TLE1: variants seen among roughly 807,000 people sequenced by gnomAD.
TLE1 encodes the protein TLE family member 1, transcriptional corepressor, also known as transducin-like enhancer protein 1.
TLE1 carries 21 observed loss-of-function variants against 89.8 expected under a neutral mutation model. That is an observed-to-expected ratio of 0.23 (90% confidence interval 0.17 to 0.34). The LOEUF (loss-of-function observed/expected upper bound fraction) is 0.34. Among genes scored for constraint, TLE1 ranks in the 10% least tolerant of loss-of-function variants. TLE1 has a pLI of 1.00. For missense variants in TLE1, 795 were observed against 1,031.2 expected (o/e 0.77, Z 3.14); for synonymous variants, 447 against 407.6 (o/e 1.10, Z -1.16).
chr9:81,667,881 G>C (rs1445085521), intron 4 of TLE1, among the ~76,000 whole-genome samples: 1 of 152,188 alleles, frequency 6.6e-6, no homozygotes, highest in African/African-American at 2.4e-5. Flanking sequence ...AGGATACTCA[G>C]ACCCGGGCGT....
rs1448937192 is a variant in TLE1 at position 81,685,682 on chromosome 9, G to A, written c.228C>T (p.His76=). ...AAGTTCAACTAAAGCTTACCTGTTT[G>A]TGCATTTCAATGTTTAATCCATATG... ...EMSYGLNIEM[H]KQTEIAKRLN... Residue 76 remains histidine (H), a synonymous_variant, in exon 4 of 20, where the codon CAC becomes CAT. Coordinates refer to ENST00000376499, the MANE Select transcript of TLE1 (RefSeq NM_005077.5). 10 of 1,613,236 alleles carry A rather than the reference G, an allele frequency of 6.2e-6. No individual in the cohort carries two copies.
intron 4 of TLE1, among the ~76,000 whole-genome samples, chr9:81,667,701 T>C (rs1296638460): frequency 6.8e-6 from 1 of 146,664 alleles, no homozygotes; most frequent in Non-Finnish European, 1.5e-5. Context: ...TCCCAGCCCT[T>C]GAGCTGTATT....
At chr9:81,611,602 G>T (rs912596364) in intron 13 of TLE1, among the ~76,000 whole-genome samples, 167 bp downstream of exon 13, 2 of 152,366 alleles carry the variant, frequency 1.3e-5, no homozygotes, top group Non-Finnish European at 2.9e-5. Flanking sequence ...GCTGACAAGA[G>T]GAAGGTGAGT....
At chr9:81,659,604 G>A (rs1321080483) in intron 4 of TLE1, among the ~76,000 whole-genome samples, 2 of 152,150 alleles carry the variant, frequency 1.3e-5, no homozygotes, top group African/African-American at 4.8e-5. Context: ...GGAGGAAGCA[G>A]GAGTCCAAAT....
Position 81,606,798 on chromosome 9 carries a change from T to G in TLE1, c.1331+3422A>C, listed in dbSNP as rs145436725. Among the ~76,000 whole-genome samples the G allele has an allele frequency of 1.9e-3, 289 of 149,766 alleles. 1 individual carries two copies. The highest frequency in any genetic ancestry group is 6.5e-3 in the South Asian group (31 of 4,750). On this transcript the variant is annotated intron_variant, in intron 14 of 19. Coordinates refer to ENST00000376499, the MANE Select transcript of TLE1 (RefSeq NM_005077.5). ...AATTAAAAAAAAAACCATATATATA[T>G]ATATAGAGAGAGAGGCAGTAAGATT...
chr9:81,613,214 A>T (rs1311072945), intron 12 of TLE1, among the ~76,000 whole-genome samples, 163 bp downstream of exon 12: 1 of 152,258 alleles, frequency 6.6e-6, no homozygotes, highest in Admixed American at 6.5e-5. Flanking sequence ...AAACCCCAGG[A>T]CAAACATCTG....
chr9:81,600,122 C>T lies in TLE1; in HGVS notation c.1332-6848G>A, dbSNP rs547120883. On this transcript the variant is annotated intron_variant, in intron 14 of 19. Coordinates refer to ENST00000376499, the MANE Select transcript of TLE1 (RefSeq NM_005077.5). ...CTGGGGCAGGAACAAGGCTCCTAAA[C>T]AGGACAAAGATACAAATGGAGAAAT... is the stretch of plus-strand genomic sequence containing the variant. 43 of 738,864 alleles carry T rather than the reference C, an allele frequency of 5.8e-5. No individual in the cohort carries two copies. In the Admixed American group the frequency reaches 7.7e-4, roughly 13 times the overall value. The allele number at this position is 738,864 out of a possible 1,614,324, so 45.8% of individuals were successfully genotyped here.
Position 81,611,749 on chromosome 9 carries a change from C to T in TLE1, c.1254+20G>A, listed in dbSNP as rs1312873795. The T allele has an allele frequency of 1.3e-6, 2 of 1,492,218 alleles. No homozygotes were observed. Among genetic ancestry groups the T allele is most frequent in the Non-Finnish European group, 1.8e-6 (2 of 1,128,776 alleles). The allele number at this position is 1,492,218 out of a possible 1,614,324, so 92.4% of individuals were successfully genotyped here. On this transcript the variant is annotated intron_variant, in intron 13 of 19. Coordinates refer to ENST00000376499, the MANE Select transcript of TLE1 (RefSeq NM_005077.5). ...TGCAGCGTTCCTACCCCAACCACAGCCCACCCGACAGCGGCCTACCATGGG... is the reference window on the plus strand; with the variant it reads ...TGCAGCGTTCCTACCCCAACCACAGTCCACCCGACAGCGGCCTACCATGGG...
intron 4 of TLE1, among the ~76,000 whole-genome samples, chr9:81,666,680 C>G (rs969901323): frequency 1.2e-4 from 18 of 151,938 alleles, no homozygotes; most frequent in African/African-American, 4.1e-4. Context: ...GGGGCTGAGG[C>G]AGGAGAATCG....
intron 6 of TLE1, among the ~76,000 whole-genome samples, chr9:81,644,839 C>G (rs1204693251): frequency 6.7e-6 from 1 of 150,304 alleles, no homozygotes; most frequent in African/African-American, 2.5e-5. Context: ...ATTAAAAATG[C>G]AAAAATTAGC....
intron 4 of TLE1, among the ~76,000 whole-genome samples, chr9:81,669,280 C>T (rs141359420): frequency 3.9e-4 from 59 of 152,338 alleles, no homozygotes; most frequent in Middle Eastern, 6.8e-3. Context: ...GGCTTGACCT[C>T]AGACCAATTT....
chr9:81,626,131 A>G (rs1392351419), intron 8 of TLE1, among the ~76,000 whole-genome samples: 1 of 152,138 alleles, frequency 6.6e-6, no homozygotes. Flanking sequence ...AATAAAGCAC[A>G]TTATTCAAAT....
intron 6 of TLE1, among the ~76,000 whole-genome samples, chr9:81,642,716 A>AAGGAAAGAC (rs973162685): frequency 6.6e-6 from 1 of 151,844 alleles, no homozygotes; most frequent in African/African-American, 2.4e-5. Context: ...AAAAGAAAGA[A>AAGGAAAGAC]AGGAAAGAAA....
At chr9:81,676,353 A>T (rs1292523019) in intron 4 of TLE1, among the ~76,000 whole-genome samples, 1 of 152,162 alleles carries the variant, frequency 6.6e-6, no homozygotes, top group Non-Finnish European at 1.5e-5. Context: ...CCATTATTAC[A>T]GGACACTGAG....
rs551905768 is a variant in TLE1 at position 81,584,647 on chromosome 9, G to C, written c.2129-123C>G. 6 of 831,740 alleles carry C rather than the reference G, an allele frequency of 7.2e-6. No individual in the cohort carries two copies. The East Asian group carries it at 1.6e-4, about 22-fold the overall frequency. The allele number at this position is 831,740 out of a possible 1,614,324, so 51.5% of individuals were successfully genotyped here. A position where few individuals can be genotyped will look rare whatever the true frequency, so the allele number is the denominator to read the frequency against. On this transcript the variant is annotated intron_variant, in intron 18 of 19. Transcript: ENST00000376499. ...TATGAACTATCATGCCCTAAGGACT[G>C]GTCCATGATATGAACAGAGGTTTTA... is the stretch of plus-strand genomic sequence containing the variant.
At chr9:81,621,385 CT>C (rs745424799) in intron 8 of TLE1, among the ~76,000 whole-genome samples, 7 of 152,192 alleles carry the variant, frequency 4.6e-5, no homozygotes, top group Admixed American at 1.3e-4. Context: ...ACAATGAGTT[CT>C]TTTAAGTGTG....
chr9:81,604,738 T>C (rs1158491574), intron 14 of TLE1, among the ~76,000 whole-genome samples: 1 of 152,106 alleles, frequency 6.6e-6, no homozygotes, highest in African/African-American at 2.4e-5. Context: ...TGAACTCTTC[T>C]GGCTGTAACA....
chr9:81,668,777 T>C (rs1030072256), intron 4 of TLE1, among the ~76,000 whole-genome samples: 1 of 152,154 alleles, frequency 6.6e-6, no homozygotes, highest in Admixed American at 6.5e-5. Flanking sequence ...AGCCTTACAG[T>C]ATTGTCTAAG....
At chr9:81,652,138 CGT>C (rs755325676) in intron 6 of TLE1, 74 bp downstream of exon 6, 58 of 1,417,248 alleles carry the variant, frequency 4.1e-5, no homozygotes, top group African/African-American at 1.8e-4. Flanking sequence ...CACACACACA[CGT>C]AAAGCCATCA....
Sources: allele counts gnomAD v4.1 joint callset (sites outside exome capture counted in the v4.1 genomes callset), GRCh38; gene constraint gnomAD v4.1.1; transcripts MANE v1.5; gene names NCBI Gene and HGNC (gene_info 2026-07-23, HGNC 2026-07-21).